The following BCAS1 variants were observed in gnomAD, a reference collection of about 807,000 sequenced individuals.
The protein encoded by BCAS1 is breast carcinoma-amplified sequence 1.
In BCAS1, 46 loss-of-function variants were observed where a neutral mutation model predicts 65.4. The ratio of observed to expected loss-of-function variants is 0.70; its 90% CI spans 0.55 to 0.90. BCAS1 has a LOEUF of 0.90. BCAS1 is among the 40% of genes least tolerant of loss of function. The pLI is 0.00. For synonymous variants in BCAS1, 298 were observed against 293.5 expected, an observed-to-expected ratio of 1.02 and a Z score of -0.16; for missense variants, 793 against 771.2, an observed-to-expected ratio of 1.03 and a Z score of -0.33.
At chr20:54,042,196 C>T (rs541645657) in intron 3 of BCAS1, among the ~76,000 whole-genome samples, 1 of 152,120 alleles carries the variant, frequency 6.6e-6, no homozygotes, top group South Asian at 2.1e-4. Flanking sequence ...TATCATATGT[C>T]CTTGAGGACA....
intron 4 of BCAS1, among the ~76,000 whole-genome samples, chr20:53,999,848 A>G (rs997087942): frequency 5.9e-5 from 9 of 152,078 alleles, no homozygotes; most frequent in African/African-American, 1.9e-4. Flanking sequence ...TTCCTGCCTC[A>G]GCCTCCCAAG....
At chr20:54,017,841 C>T (rs951196222) in intron 4 of BCAS1, among the ~76,000 whole-genome samples, 1 of 152,202 alleles carries the variant, frequency 6.6e-6, no homozygotes, top group African/African-American at 2.4e-5. Context: ...ACCTTCCAGA[C>T]TGGTGACAGC....
At chr20:54,068,241 C>G (rs527688936) in intron 1 of BCAS1, among the ~76,000 whole-genome samples, 1 of 152,282 alleles carries the variant, frequency 6.6e-6, no homozygotes, top group African/African-American at 2.4e-5. Context: ...GTTTTGCTTT[C>G]GGAGTACTTA....
At chr20:53,961,894 A>T (rs917236710) in intron 10 of BCAS1, among the ~76,000 whole-genome samples, 1 of 152,216 alleles carries the variant, frequency 6.6e-6, no homozygotes, top group Non-Finnish European at 1.5e-5. Context: ...CATGGGGCAG[A>T]GAGAGCACTT....
At chr20:53,964,866 C>A (rs1018869910) in intron 10 of BCAS1, among the ~76,000 whole-genome samples, 9 of 148,914 alleles carry the variant, frequency 6.0e-5, no homozygotes, top group Non-Finnish European at 1.2e-4. Flanking sequence ...GAAGGAGCTT[C>A]ATGTTGGTTA....
intron 10 of BCAS1, 115 bp from the exon 11 acceptor site, chr20:53,957,612 C>A (rs2089742393): frequency 7.5e-6 from 7 of 927,590 alleles, no homozygotes; most frequent in South Asian, 4.2e-5. Flanking sequence ...GGGGTCAAGA[C>A]AAATGGAAGG....
At chr20:53,996,461 T>TAAAAAAAAAAAAAA (rs143929524) in intron 4 of BCAS1, among the ~76,000 whole-genome samples, 8 of 92,142 alleles carry the variant, frequency 8.7e-5, no homozygotes, top group East Asian at 3.8e-4. Flanking sequence ...TTATATCAAC[T>TAAAAAAAAAAAAAA]AAAAAAAAAA....
At chr20:54,056,271 C>G (rs1403157914) in intron 3 of BCAS1, among the ~76,000 whole-genome samples, 2 of 152,058 alleles carry the variant, frequency 1.3e-5, no homozygotes, top group African/African-American at 2.4e-5. Flanking sequence ...GAATACTACT[C>G]AACCATAAAA....
At chr20:53,971,252 T>G (rs2090172204) in intron 9 of BCAS1, among the ~76,000 whole-genome samples, 1 of 152,206 alleles carries the variant, frequency 6.6e-6, no homozygotes, top group Non-Finnish European at 1.5e-5. Context: ...TAGGATCCGT[T>G]GCATGATTCA....
chr20:53,980,733 A>G (rs953929286), intron 8 of BCAS1, among the ~76,000 whole-genome samples: 1 of 152,210 alleles, frequency 6.6e-6, no homozygotes, highest in African/African-American at 2.4e-5. Flanking sequence ...CCAAGCCTGG[A>G]TCTCACATTT....
intron 4 of BCAS1, among the ~76,000 whole-genome samples, chr20:54,003,413 G>C (rs1256448372): frequency 6.6e-6 from 1 of 152,038 alleles, no homozygotes; most frequent in African/African-American, 2.4e-5. Flanking sequence ...TTCACGATTG[G>C]AATCAAGTCT....
At chr20:53,970,706 G>A (rs531694394) in intron 9 of BCAS1, among the ~76,000 whole-genome samples, 2 of 151,946 alleles carry the variant, frequency 1.3e-5, no homozygotes, top group African/African-American at 2.4e-5. Context: ...TTCCCTTTTT[G>A]CCTCAAATTT....
chr20:53,990,911 G>T (rs1035835748), intron 7 of BCAS1, among the ~76,000 whole-genome samples: 2 of 152,188 alleles, frequency 1.3e-5, no homozygotes, highest in African/African-American at 4.8e-5. Context: ...TGTTCCCGCG[G>T]CCTCTTCCCA....
intron 3 of BCAS1, among the ~76,000 whole-genome samples, chr20:54,043,584 T>C (rs1020741813): frequency 2.0e-5 from 3 of 152,166 alleles, no homozygotes; most frequent in African/African-American, 7.2e-5. Context: ...ACAAGGACGC[T>C]TTCCAGTTCC....
At chr20:53,991,404 A>G (rs2090756778) in intron 7 of BCAS1, among the ~76,000 whole-genome samples, 1 of 152,224 alleles carries the variant, frequency 6.6e-6, no homozygotes, top group Non-Finnish European at 1.5e-5. Flanking sequence ...CAGCTGTGAG[A>G]ACTTTCTATG....
chr20:53,958,523 A>G (rs532501004), intron 10 of BCAS1, among the ~76,000 whole-genome samples: 68 of 152,338 alleles, frequency 4.5e-4, no homozygotes, highest in African/African-American at 1.6e-3. Flanking sequence ...AGACCGTAAG[A>G]ATCCACAACA....
At position 53,944,720 on chromosome 20, in the gene BCAS1, T is replaced by C. The variant is rs2089251642; in HGVS notation, c.*202A>G. ...ACTAGGTGACCTGCTAAACCATCTT[T>C]ACTGTTATTTGCCAGAAAAGACTGG... On this transcript the variant is annotated 3_prime_UTR_variant, in exon 13 of 13. Coordinates refer to ENST00000688948, the MANE Select transcript of BCAS1 (RefSeq NM_001366298.2). 2 of 592,630 alleles carry C rather than the reference T, an allele frequency of 3.4e-6. No individual in the cohort carries two copies. Among genetic ancestry groups the C allele is most frequent in the Non-Finnish European group, 6.1e-6 (2 of 328,738 alleles). The allele number at this position is 592,630 out of a possible 1,614,324, so 36.7% of individuals were successfully genotyped here.
chr20:54,002,118 G>A lies in BCAS1; in HGVS notation c.724-6068C>T, dbSNP rs373501073. Among the ~76,000 whole-genome samples the A allele has an allele frequency of 7.2e-5, 11 of 151,772 alleles. No individual in the cohort carries two copies. In the East Asian group the frequency reaches 9.7e-4, roughly 13 times the overall value. ...GTCAGCTCTCTGCCTCATACTATGT[G>A]AGGACCTTTGACAGACCCTTGGAGT... On this transcript the variant is annotated intron_variant, in intron 4 of 12. Coordinates refer to ENST00000688948, the MANE Select transcript of BCAS1 (RefSeq NM_001366298.2).
chr20:54,063,147 G>A (rs752772134), intron 1 of BCAS1, among the ~76,000 whole-genome samples: 8 of 152,178 alleles, frequency 5.3e-5, no homozygotes, highest in African/African-American at 9.7e-5. Context: ...AGAGCTTGCC[G>A]TATGCCAGCC....
Sources: allele counts gnomAD v4.1 joint callset (sites outside exome capture counted in the v4.1 genomes callset), GRCh38; gene constraint gnomAD v4.1.1; transcripts MANE v1.5; gene names NCBI Gene and HGNC (gene_info 2026-07-23, HGNC 2026-07-21).